Variants in DGKB observed in about 807,000 individuals in gnomAD.
DGKB encodes the protein diacylglycerol kinase beta.
DGKB carries 67 observed loss-of-function variants against 114.3 expected under a neutral mutation model. That is an observed-to-expected ratio of 0.59 (90% CI 0.48 to 0.72). The LOEUF is 0.72. Ranked by LOEUF, DGKB falls within the 30% of genes least tolerant of loss-of-function variation. The pLI is 0.00. For synonymous variants in DGKB, 398 were observed against 323.1 expected, an observed-to-expected ratio of 1.23 and a Z score of -2.49; for missense variants, 907 against 975.2, an observed-to-expected ratio of 0.93 and a Z score of 0.93.
At chr7:14,194,134 T>A (rs999053703) in intron 23 of DGKB, among the ~76,000 whole-genome samples, 3 of 152,120 alleles carry the variant, frequency 2.0e-5, no homozygotes, top group Admixed American at 6.6e-5. Flanking sequence ...TGGAAAACAG[T>A]ATGGAGGTTC....
At chr7:14,443,234 T>C (rs1480359419) in intron 21 of DGKB, among the ~76,000 whole-genome samples, 3 of 152,150 alleles carry the variant, frequency 2.0e-5, no homozygotes, top group African/African-American at 7.2e-5. Context: ...AGAGTAACCT[T>C]AGAACCATCA....
intron 2 of DGKB, among the ~76,000 whole-genome samples, chr7:14,806,238 T>C (rs1304096176): frequency 1.3e-5 from 2 of 152,062 alleles, no homozygotes; most frequent in Non-Finnish European, 2.9e-5. Context: ...TTTATAAAGA[T>C]CAAAATATAT....
intron 23 of DGKB, among the ~76,000 whole-genome samples, chr7:14,206,754 A>T (rs1786891293): frequency 6.6e-6 from 1 of 152,088 alleles, no homozygotes; most frequent in Admixed American, 6.6e-5. Context: ...GATCAAATCA[A>T]ATAATATATG....
chr7:14,689,209 T>TTTTTTATTTA (rs1554599174), intron 9 of DGKB, among the ~76,000 whole-genome samples: 4 of 123,786 alleles, frequency 3.2e-5, no homozygotes, highest in South Asian at 2.8e-4. Context: ...ATTTTTTTTT[T>TTTTTTATTTA]TTTTTTTTTT....
At chr7:14,341,157 G>A (rs955302348) in intron 22 of DGKB, among the ~76,000 whole-genome samples, 1 of 151,760 alleles carries the variant, frequency 6.6e-6, no homozygotes, top group Admixed American at 6.6e-5. Context: ...TCAAACAGTC[G>A]CAAAGAACAA....
chr7:14,211,304 T>G (rs1787767659), intron 23 of DGKB, among the ~76,000 whole-genome samples: 1 of 112,232 alleles, frequency 8.9e-6, no homozygotes, highest in Non-Finnish European at 1.7e-5. Context: ...ATATTTACTC[T>G]CATGTTTTGT....
chr7:14,376,817 T>A (rs1818555769), intron 21 of DGKB, among the ~76,000 whole-genome samples: 1 of 152,168 alleles, frequency 6.6e-6, no homozygotes, highest in East Asian at 1.9e-4. Context: ...AGAGGCAGAT[T>A]AGTGACATTC....
At chr7:14,319,849 T>G (rs537503640) in intron 23 of DGKB, among the ~76,000 whole-genome samples, 4 of 152,248 alleles carry the variant, frequency 2.6e-5, no homozygotes, top group Non-Finnish European at 5.9e-5. Context: ...AAGTGCAATG[T>G]TGGTACCTTG....
rs1798834812 is a variant in DGKB at position 14,574,476 on chromosome 7, A to C, written c.1610-104T>G. Reference sequence around the variant, plus strand: ...ATGCATATGTAATATTCTAAAGGTAAATAATGATTTTGAAGCACATTCTGC... The same window carrying C: ...ATGCATATGTAATATTCTAAAGGTACATAATGATTTTGAAGCACATTCTGC... On this transcript the variant is annotated intron_variant, in intron 19 of 25. Transcript: ENST00000402815. 3 of 949,570 alleles carry C rather than the reference A, an allele frequency of 3.2e-6. No individual in the cohort carries two copies. The East Asian group carries it at 7.4e-5, about 23-fold the overall frequency. 58.8% of individuals were successfully genotyped at this position (949,570 alleles called of 1,614,324 possible).
intron 1 of DGKB, among the ~76,000 whole-genome samples, chr7:14,851,125 C>T (rs1237199451): frequency 1.3e-5 from 2 of 152,062 alleles, no homozygotes; most frequent in Non-Finnish European, 2.9e-5. Context: ...ATATACAGTA[C>T]ATATACGGGG....
intron 21 of DGKB, among the ~76,000 whole-genome samples, chr7:14,430,030 CTGAT>C (rs1299614538): frequency 6.6e-6 from 1 of 152,112 alleles, no homozygotes; most frequent in Non-Finnish European, 1.5e-5. Context: ...TTGCTTTTTA[CTGAT>C]TGTTTGCTCT....
At chr7:14,492,811 A>G (rs1304764432) in intron 20 of DGKB, among the ~76,000 whole-genome samples, 1 of 152,136 alleles carries the variant, frequency 6.6e-6, no homozygotes, top group East Asian at 1.9e-4. Context: ...TAACAACTCA[A>G]TACAATTACA....
intron 23 of DGKB, among the ~76,000 whole-genome samples, chr7:14,294,102 C>T (rs1802167776): frequency 6.6e-6 from 1 of 152,080 alleles, no homozygotes; most frequent in Non-Finnish European, 1.5e-5. Context: ...TAGTAACCAT[C>T]TGTATTGCAT....
At chr7:14,675,864 A>G (rs1474457162) in intron 12 of DGKB, among the ~76,000 whole-genome samples, 1 of 152,082 alleles carries the variant, frequency 6.6e-6, no homozygotes, top group Non-Finnish European at 1.5e-5. Context: ...AACCATCAAC[A>G]TTATGACGTT....
intron 23 of DGKB, among the ~76,000 whole-genome samples, chr7:14,273,989 G>T (rs2086596627): frequency 6.6e-6 from 1 of 152,132 alleles, no homozygotes; most frequent in Non-Finnish European, 1.5e-5. Context: ...AAACATATTT[G>T]TATTTCATTG....
At chr7:14,329,716 A>C (rs543711777) in intron 23 of DGKB, among the ~76,000 whole-genome samples, 1 of 152,102 alleles carries the variant, frequency 6.6e-6, no homozygotes, top group Admixed American at 6.5e-5. Context: ...TCAAAGGGCA[A>C]GATCGCTATC....
chr7:14,692,498 C>T (rs1563926623), intron 9 of DGKB, among the ~76,000 whole-genome samples: 1 of 151,602 alleles, frequency 6.6e-6, no homozygotes, highest in African/African-American at 2.4e-5. Context: ...TTGTTTTCTC[C>T]CAGTAGTCTG....
At chr7:14,489,048 C>T (rs1052809316) in intron 20 of DGKB, among the ~76,000 whole-genome samples, 2 of 152,058 alleles carry the variant, frequency 1.3e-5, no homozygotes, top group African/African-American at 4.8e-5. Flanking sequence ...AATCTACTTC[C>T]CTAAGTGTCA....
At chr7:14,363,590 A>C (rs1816129902) in intron 21 of DGKB, among the ~76,000 whole-genome samples, 1 of 152,082 alleles carries the variant, frequency 6.6e-6, no homozygotes, top group Admixed American at 6.6e-5. Flanking sequence ...TGAAGAGATA[A>C]GATTGTGCTA....
Sources: allele counts gnomAD v4.1 joint callset (sites outside exome capture counted in the v4.1 genomes callset), GRCh38; gene constraint gnomAD v4.1.1; transcripts MANE v1.5; gene names NCBI Gene and HGNC (gene_info 2026-07-23, HGNC 2026-07-21).